RFC1: variants seen among roughly 807,000 people sequenced by gnomAD.
The protein encoded by RFC1 is A1 140 kDa subunit.
RFC1 carries 37 observed loss-of-function variants against 137.4 expected under a neutral mutation model. The observed-to-expected ratio is 0.27, with a 90% CI of 0.21 to 0.35. The LOEUF (loss-of-function observed/expected upper bound fraction) is 0.35, where lower values mean the gene tolerates loss of function less well. RFC1 is among the 10% of genes least tolerant of loss of function. The pLI is 1.00. For synonymous variants in RFC1, 429 were observed against 455.7 expected (o/e 0.94, Z 0.75); for missense variants, 1,205 against 1,358.5 (o/e 0.89, Z 1.78).
chr4:39,340,518 C>T (rs1740560653), intron 4 of RFC1, among the ~76,000 whole-genome samples: 9 of 152,014 alleles, frequency 5.9e-5, no homozygotes, highest in Admixed American at 5.9e-4. Flanking sequence ...ATTTATGACC[C>T]AATATTGAAA....
rs372006154 is a variant in RFC1 at position 39,327,726 on chromosome 4, G to A, written c.362C>T (p.Ala121Val). The A allele has an allele frequency of 6.8e-6, 11 of 1,608,716 alleles. No homozygotes were observed. The highest frequency in any genetic ancestry group is 1.7e-4 in the Middle Eastern group (1 of 5,916). The change falls in exon 5 of 25, where the codon GCG becomes GTG. Residue 121 changes from alanine to valine, a missense_variant. By Grantham distance (64) the Ala-to-Val change is moderately conservative (BLOSUM62 0). This residue lies in a region of RFC1 where 962 missense variants were observed against 1,035.3 expected (regional missense o/e 0.93). Coordinates refer to ENST00000349703, the MANE Select transcript of RFC1 (RefSeq NM_002913.5). ...TCCATTCTCTTTTGATTTAGAGGCC[G>A]CCTTCTTACACATAAAGTCATCTTC... ...DEEDDFMCKK[A>V]ASKSKENGRS...
intron 1 of RFC1, among the ~76,000 whole-genome samples, chr4:39,361,844 C>T (rs911137129): frequency 1.3e-5 from 2 of 152,018 alleles, no homozygotes; most frequent in African/African-American, 2.4e-5. Context: ...GTCAGGAGAT[C>T]GAGACCATGG....
rs17335264 is a variant in RFC1 at position 39,305,359 on chromosome 4, G to A, written c.1996-431C>T. ...GTTGACTCACACCTGTAATACCAGC[G>A]CTTTTGGGAGTCCAAAGTGGATGGA... On this transcript the variant is annotated intron_variant, in intron 14 of 24. Coordinates refer to ENST00000349703, the MANE Select transcript of RFC1 (RefSeq NM_002913.5). Among the ~76,000 whole-genome samples the A allele has an allele frequency of 7.8e-4, 118 of 152,142 alleles. 1 individual carries two copies. In the South Asian group the frequency reaches 0.019, roughly 24 times the overall value.
At chr4:39,345,308 A>T in intron 3 of RFC1, 93 bp downstream of exon 3, 1 of 1,079,122 alleles carries the variant, frequency 9.3e-7, no homozygotes, top group Admixed American at 2.3e-5. Context: ...GGCATGAGCC[A>T]CCGCACCCAT....
chr4:39,361,844 C>A (rs911137129), intron 1 of RFC1, among the ~76,000 whole-genome samples: 1 of 152,018 alleles, frequency 6.6e-6, no homozygotes, highest in Non-Finnish European at 1.5e-5. Context: ...GTCAGGAGAT[C>A]GAGACCATGG....
At chr4:39,306,775 T>TCTGCC in intron 13 of RFC1, 74 bp from the exon 14 acceptor site, 1 of 835,372 alleles carries the variant, frequency 1.2e-6, no homozygotes. Context: ...CAGAAATAGT[T>TCTGCC]ATGCCTAAAC....
At chr4:39,331,959 GA>G (rs1263094335) in intron 4 of RFC1, among the ~76,000 whole-genome samples, 3 of 152,108 alleles carry the variant, frequency 2.0e-5, no homozygotes, top group Non-Finnish European at 4.4e-5. Flanking sequence ...GAATCATGGG[GA>G]CAGGTCTTTC....
In RFC1 at chr4:39,336,593, C is replaced by T. The variant is rs1483997843; in HGVS notation, c.331+5752G>A. On this transcript the variant is annotated intron_variant, in intron 4 of 24. Transcript: ENST00000349703. ...CCTCCACGTTACTGACATTTGAAGCCGAGTAACTCTCTGTCCTGTGCATTG... is the reference window on the plus strand; with the variant it reads ...CCTCCACGTTACTGACATTTGAAGCTGAGTAACTCTCTGTCCTGTGCATTG... Among the ~76,000 whole-genome samples the T allele has an allele frequency of 1.1e-4, 16 of 152,356 alleles. 1 individual carries two copies. In the South Asian group the frequency reaches 1.7e-3, roughly 16 times the overall value.
At position 39,320,673 on chromosome 4, in the gene RFC1, G is replaced by A. The variant is rs750096265; in HGVS notation, c.809-4C>T. On this transcript the variant is annotated splice_region_variant and splice_polypyrimidine_tract_variant and intron_variant, in intron 8 of 24. Transcript: ENST00000349703. ...TCTGAAACTTGTGCTGTTTTTACTA[G>A]GAAGAAAGAAAAGATTATGGTTGTT... is the stretch of plus-strand genomic sequence containing the variant. 5 of 1,560,040 alleles carry A rather than the reference G, an allele frequency of 3.2e-6. No homozygotes were observed. Among genetic ancestry groups the A allele is most frequent in the African/African-American group, 2.8e-5 (2 of 71,552 alleles).
At chr4:39,353,809 C>T (rs13143570) in intron 1 of RFC1, among the ~76,000 whole-genome samples, 77,260 of 151,684 alleles carry the variant, frequency 0.51, 19,954 homozygotes, top group Non-Finnish European at 0.54. Flanking sequence ...CACACAAAGA[C>T]AGAGTGATAG....
At chr4:39,296,845 T>C (rs1738039061) in intron 21 of RFC1, among the ~76,000 whole-genome samples, 1 of 150,276 alleles carries the variant, frequency 6.7e-6, no homozygotes, top group Admixed American at 6.6e-5. Context: ...TCCACAATGG[T>C]TGAACTAGTT....
chr4:39,365,899 C>A (rs971171738), intron 1 of RFC1, among the ~76,000 whole-genome samples: 1 of 152,238 alleles, frequency 6.6e-6, no homozygotes, highest in Non-Finnish European at 1.5e-5. Context: ...GAGGTTCGGG[C>A]AACGCCGAAC....
chr4:39,342,199 T>A (rs2109730764), intron 4 of RFC1, 146 bp downstream of exon 4: 1 of 944,088 alleles, frequency 1.1e-6, no homozygotes, highest in South Asian at 2.0e-5. Context: ...CAAAAGATGA[T>A]CCCAGCCTTC....
intron 4 of RFC1, among the ~76,000 whole-genome samples, chr4:39,340,523 T>C (rs1740561176): frequency 6.6e-6 from 1 of 152,194 alleles, no homozygotes; most frequent in African/African-American, 2.4e-5. Flanking sequence ...TGACCCAATA[T>C]TGAAAAGTAT....
intron 1 of RFC1, among the ~76,000 whole-genome samples, chr4:39,358,737 G>A (rs1029095826): frequency 2.3e-4 from 35 of 152,192 alleles, no homozygotes; most frequent in East Asian, 1.9e-4. Context: ...ACGGAAATAC[G>A]AAAAAACAAA....
At chr4:39,335,422 T>C (rs895987801) in intron 4 of RFC1, among the ~76,000 whole-genome samples, 2 of 152,164 alleles carry the variant, frequency 1.3e-5, no homozygotes, top group Non-Finnish European at 2.9e-5. Flanking sequence ...TCATCTTCAA[T>C]CAAGAAACCA....
In RFC1 at chr4:39,366,293, A is replaced by C. The variant is rs1049095602; in HGVS notation, c.-52T>G. The C allele has an allele frequency of 2.0e-6, 3 of 1,511,190 alleles. No homozygotes were observed. The highest frequency in any genetic ancestry group is 1.4e-5 in the African/African-American group (1 of 71,182). 93.6% of individuals were successfully genotyped at this position (1,511,190 alleles called of 1,614,324 possible). A position where few individuals can be genotyped will look rare whatever the true frequency, so the allele number is the denominator to read the frequency against. On this transcript the variant is annotated 5_prime_UTR_variant, in exon 1 of 25. In the 5' UTR this introduces an upstream ATG that the reference lacks. Transcript: ENST00000349703. ...TGGCTGGCGGGTGGGCCGGTTGAGG[A>C]ATCTGTTATCGAGGCTCAGGATCCA...
rs752508090 is a variant in RFC1 at position 39,342,375 on chromosome 4, G to C, written c.301C>G (p.Gln101Glu). ...VSSKPGKISR[Q>E]DPVTYISETD... is the part of the protein sequence containing the mutation. ...TCTGAAATGTATGTAACAGGATCCT[G>C]CCGTGAAATTTTACCAGGTTTAGAA... Residue 101 changes from glutamine (Q) to glutamate (E), a missense_variant, in exon 4 of 25, where the codon CAG (glutamine) becomes GAG (glutamate). Gln to Glu is a conservative substitution (Grantham distance 29). Coordinates refer to ENST00000349703, the MANE Select transcript of RFC1 (RefSeq NM_002913.5). 38 of 1,613,178 alleles carry C rather than the reference G, an allele frequency of 2.4e-5. No individual in the cohort carries two copies. Among genetic ancestry groups the C allele is most frequent in the Non-Finnish European group, 3.1e-5 (37 of 1,179,466 alleles).
chr4:39,298,955 A>T (rs1299484892), intron 21 of RFC1, among the ~76,000 whole-genome samples: 1 of 152,184 alleles, frequency 6.6e-6, no homozygotes, highest in East Asian at 1.9e-4. Context: ...AGGCCCCCCA[A>T]AATCTGGCCA....
Sources: allele counts gnomAD v4.1 joint callset (sites outside exome capture counted in the v4.1 genomes callset), GRCh38; gene constraint gnomAD v4.1.1; regional missense constraint gnomAD v4.1.1; transcripts MANE v1.5; gene names NCBI Gene and HGNC (gene_info 2026-07-23, HGNC 2026-07-21).